CNTNAP5: variants seen among roughly 807,000 people sequenced by gnomAD.
The protein encoded by CNTNAP5 is contactin associated protein family member 5.
A neutral mutation model predicts 150.2 loss-of-function variants in CNTNAP5; 72 were observed. The ratio of observed to expected loss-of-function variants is 0.48; its 90% CI spans 0.40 to 0.58. The LOEUF (loss-of-function observed/expected upper bound fraction) is 0.58, where lower values mean the gene tolerates loss of function less well. CNTNAP5 is among the 20% of genes least tolerant of loss of function. The pLI, the probability that CNTNAP5 is intolerant of heterozygous loss-of-function variation, is 0.00. For synonymous variants in CNTNAP5, 672 were observed against 619.8 expected (o/e 1.08, Z -1.25); for missense variants, 1,636 against 1,626.2 (o/e 1.01, Z -0.10).
chr2:124,319,742 T>C (rs1047317997), intron 3 of CNTNAP5, among the ~76,000 whole-genome samples: 1 of 152,156 alleles, frequency 6.6e-6, no homozygotes, highest in Non-Finnish European at 1.5e-5. Flanking sequence ...ACCCACTAGA[T>C]GCCAGTAGCA....
At chr2:124,431,031 G>A (rs1035184415) in intron 4 of CNTNAP5, among the ~76,000 whole-genome samples, 1 of 152,124 alleles carries the variant, frequency 6.6e-6, no homozygotes, top group Non-Finnish European at 1.5e-5. Context: ...GGAGCTCAAA[G>A]AAATCAAGAA....
At chr2:124,130,210 T>G (rs1028190629) in intron 1 of CNTNAP5, among the ~76,000 whole-genome samples, 3 of 152,108 alleles carry the variant, frequency 2.0e-5, no homozygotes, top group African/African-American at 7.2e-5. Flanking sequence ...AGAAATTACC[T>G]TTGTTTTAGT....
rs1402291423 is a variant in CNTNAP5 at position 124,757,286 on chromosome 2, G to GGTTTTAGTT, written c.2235-6386_2235-6385insGTTTTAGTT. 1.7e-4 allele frequency among the ~76,000 whole-genome samples: 26 copies of GGTTTTAGTT among 152,290 alleles called. 1 individual carries two copies. Among genetic ancestry groups the GGTTTTAGTT allele is most frequent in the African/African-American group, 6.0e-4 (25 of 41,570 alleles). On this transcript the variant is annotated intron_variant, in intron 14 of 23. Transcript: ENST00000682447. ...AGGGCTGGAAAATGATTGCAAATTA[G>GGTTTTAGTT]TAAACTAAAACCTAGTCAATTGAGC...
chr2:124,732,526 C>A (rs1023308380), intron 13 of CNTNAP5, among the ~76,000 whole-genome samples: 1 of 152,082 alleles, frequency 6.6e-6, no homozygotes, highest in South Asian at 2.1e-4. Flanking sequence ...GACACATCAA[C>A]AAGGCAGTTT....
At position 124,221,741 on chromosome 2, in the gene CNTNAP5, C is replaced by T. The variant is rs1442606996; in HGVS notation, c.119C>T (p.Pro40Leu). 6.2e-7 allele frequency: 1 copy of T among 1,611,844 alleles called. No homozygotes were observed. The highest frequency in any genetic ancestry group is 1.7e-5 in the Admixed American group (1 of 59,788). Residue 40 changes from proline (P) to leucine (L), a missense_variant, in exon 2 of 24, where the codon CCA becomes CTA. Coordinates refer to ENST00000682447, the MANE Select transcript of CNTNAP5 (RefSeq NM_001367498.1). Reference sequence around the variant, plus strand: ...GATCCACTAGCATCCCTGCTCTCTCCAATGGCTTTTTCCAGTTCCTCAGAC... The same window carrying T: ...GATCCACTAGCATCCCTGCTCTCTCTAATGGCTTTTTCCAGTTCCTCAGAC... ...CDDPLASLLS[P>L]MAFSSSSDLT...
chr2:124,871,206 T>C (rs1467255350), intron 21 of CNTNAP5, among the ~76,000 whole-genome samples: 1 of 152,098 alleles, frequency 6.6e-6, no homozygotes, highest in Non-Finnish European at 1.5e-5. Flanking sequence ...TATTTCCTTC[T>C]TTTTAACTAA....
chr2:124,321,909 G>C (rs1362905257), intron 3 of CNTNAP5, among the ~76,000 whole-genome samples: 2 of 152,116 alleles, frequency 1.3e-5, no homozygotes, highest in African/African-American at 4.8e-5. Flanking sequence ...CAACACTTTG[G>C]GAAGCCAAGG....
chr2:124,347,959 G>A (rs932868067), intron 3 of CNTNAP5, among the ~76,000 whole-genome samples: 29 of 151,906 alleles, frequency 1.9e-4, no homozygotes, highest in African/African-American at 7.0e-4. Flanking sequence ...CGAGTAGCTG[G>A]GACTACTACA....
intron 7 of CNTNAP5, among the ~76,000 whole-genome samples, chr2:124,495,666 A>G (rs935169354): frequency 6.6e-6 from 1 of 152,230 alleles, no homozygotes; most frequent in African/African-American, 2.4e-5. Context: ...TTTATCCTTG[A>G]AGGCCTCCTT....
chr2:124,914,245 T>A lies in CNTNAP5; in HGVS notation c.3881T>A (p.Leu1294Ter). Reference protein sequence around the residue: ...LDSSFRNEIDLQNTVSECKRE... With the variant: ...LDSSFRNEID Reference sequence around the variant, plus strand: ...AGTTCCTTCAGAAATGAAATTGACTTGCAAAACACAGTGAGCGAGTGTAAA... The same window carrying A: ...AGTTCCTTCAGAAATGAAATTGACTAGCAAAACACAGTGAGCGAGTGTAAA... The change falls in exon 24 of 24, where the codon TTG (leucine) becomes TAG (stop). Residue 1294 changes from leucine to a stop codon, truncating the protein, a stop_gained. Coordinates refer to ENST00000682447, the MANE Select transcript of CNTNAP5 (RefSeq NM_001367498.1). LOFTEE classifies it high-confidence loss of function. 6.2e-7 allele frequency: 1 copy of A among 1,612,442 alleles called. No individual in the cohort carries two copies. The highest frequency in any genetic ancestry group is 8.5e-7 in the Non-Finnish European group (1 of 1,178,972).
intron 13 of CNTNAP5, among the ~76,000 whole-genome samples, chr2:124,709,232 C>CGTGT (rs778269827): frequency 0.043 from 6,027 of 138,774 alleles, 447 homozygotes; most frequent in African/African-American, 0.15. Context: ...TGTGTGTGTG[C>CGTGT]GTGTGTGTGT....
intron 19 of CNTNAP5, among the ~76,000 whole-genome samples, chr2:124,833,734 A>G (rs1020505893): frequency 6.6e-6 from 1 of 152,152 alleles, no homozygotes; most frequent in African/African-American, 2.4e-5. Flanking sequence ...CAGGGTTTCA[A>G]TTCAAGTGTA....
At chr2:124,383,478 A>G (rs1690852382) in intron 3 of CNTNAP5, among the ~76,000 whole-genome samples, 1 of 152,136 alleles carries the variant, frequency 6.6e-6, no homozygotes, top group Admixed American at 6.6e-5. Context: ...CTGCTCCCAA[A>G]CTACTTACAT....
intron 19 of CNTNAP5, among the ~76,000 whole-genome samples, chr2:124,815,284 T>G (rs1682338072): frequency 6.6e-6 from 1 of 152,232 alleles, no homozygotes; most frequent in African/African-American, 2.4e-5. Flanking sequence ...TATTTTTTGA[T>G]AAAGTAATAA....
At chr2:124,681,332 C>A (rs1679063707) in intron 13 of CNTNAP5, among the ~76,000 whole-genome samples, 1 of 150,140 alleles carries the variant, frequency 6.7e-6, no homozygotes, top group Non-Finnish European at 1.5e-5. Flanking sequence ...GTTGAGACAG[C>A]CATGTTGTGG....
intron 13 of CNTNAP5, among the ~76,000 whole-genome samples, chr2:124,650,311 C>A (rs1021273747): frequency 6.6e-6 from 1 of 152,180 alleles, no homozygotes; most frequent in Non-Finnish European, 1.5e-5. Flanking sequence ...GCAAGAGAGT[C>A]CTCATTTACC....
At chr2:124,199,805 A>G (rs977329766) in intron 1 of CNTNAP5, among the ~76,000 whole-genome samples, 2 of 152,138 alleles carry the variant, frequency 1.3e-5, no homozygotes, top group African/African-American at 4.8e-5. Context: ...AACACAATTA[A>G]TTTTTGTACA....
At position 124,598,687 on chromosome 2, in the gene CNTNAP5, C is replaced by A. The variant is rs1182185341; in HGVS notation, c.1757-11114C>A. 8.1e-3 allele frequency among the ~76,000 whole-genome samples: 1,229 copies of A among 151,132 alleles called. 6 individuals are homozygous for A. Among genetic ancestry groups the A allele is most frequent in the African/African-American group, 0.024 (984 of 41,170 alleles). On this transcript the variant is annotated intron_variant, in intron 11 of 23. Transcript: ENST00000682447. ...TGGGCTCCACCCAGTTTGAGCTTCC[C>A]GGCTGCTTTGTTTACCTAATCAAGC...
chr2:124,193,314 C>A (rs1685501938), intron 1 of CNTNAP5, among the ~76,000 whole-genome samples: 1 of 152,200 alleles, frequency 6.6e-6, no homozygotes, highest in South Asian at 2.1e-4. Flanking sequence ...GGACATAATT[C>A]AACCCATAAC....
Sources: allele counts gnomAD v4.1 joint callset (sites outside exome capture counted in the v4.1 genomes callset), GRCh38; gene constraint gnomAD v4.1.1; transcripts MANE v1.5; gene names NCBI Gene and HGNC (gene_info 2026-07-23, HGNC 2026-07-21).